The following PKD1L1 variants were observed in gnomAD, a reference collection of about 807,000 sequenced individuals.
The protein encoded by PKD1L1 is polycystin 1 like 1, transient receptor potential channel interacting, also known as polycystin-1-like protein 1.
A neutral mutation model predicts 323.4 loss-of-function variants in PKD1L1; 236 were observed. The ratio of observed to expected loss-of-function variants is 0.73; its 90% CI spans 0.66 to 0.81. PKD1L1 has a LOEUF of 0.81. Ranked by LOEUF, PKD1L1 falls within the 40% of genes least tolerant of loss-of-function variation. The pLI, the probability that PKD1L1 is intolerant of heterozygous loss-of-function variation, is 0.00. For synonymous variants in PKD1L1, 1,344 were observed against 1,335.0 expected (o/e 1.01, Z -0.15); for missense variants, 3,320 against 3,508.0 (o/e 0.95, Z 1.35).
At position 47,821,097 on chromosome 7, in the gene PKD1L1, G is replaced by T. The variant is rs1785130890; in HGVS notation, c.6944C>A (p.Ala2315Asp). ...CTACCTTGTAAATTCTTTCCGGATA[G>T]CTTGATTGAGGGAGTATTCATCTTG... is the stretch of plus-strand genomic sequence containing the variant. Reference protein sequence around the residue: ...FSQDEYSLNQAIRKEFTRNAR... With the variant: ...FSQDEYSLNQDIRKEFTRNAR... Residue 2315 changes from alanine (A) to aspartate (D), a missense_variant, in exon 46 of 57, where the codon GCT (alanine) becomes GAT (aspartate). Transcript: ENST00000289672. 1.3e-6 allele frequency: 2 copies of T among 1,597,182 alleles called. No individual in the cohort carries two copies. Among genetic ancestry groups the T allele is most frequent in the Non-Finnish European group, 1.7e-6 (2 of 1,164,690 alleles).
chr7:47,932,817 A>C (rs899519829), intron 4 of PKD1L1, among the ~76,000 whole-genome samples: 1 of 152,344 alleles, frequency 6.6e-6, no homozygotes, highest in Middle Eastern at 3.4e-3. Flanking sequence ...ATAATCATGC[A>C]TGAGAAAAAT....
chr7:47,787,628 T>C (rs1407102243), intron 56 of PKD1L1, among the ~76,000 whole-genome samples: 1 of 152,220 alleles, frequency 6.6e-6, no homozygotes, highest in Non-Finnish European at 1.5e-5. Flanking sequence ...GCTAGTTATA[T>C]GAGCTATAAA....
rs763147091 is a variant in PKD1L1, at chr7:47,876,106, T to C, written c.3775A>G (p.Asn1259Asp). 3 of 1,614,028 alleles carry C rather than the reference T, an allele frequency of 1.9e-6. No individual in the cohort carries two copies. ...FVLPAGEHLD[N>D]YKVMVSTEIT... ...TGGCACCATAGCTTACCTTTGTAAT[T>C]GTCCAAGTGCTCACCAGCTGGCAAC... Residue 1259 changes from asparagine to aspartate, a missense_variant, in exon 23 of 57, where the codon AAT (asparagine) becomes GAT (aspartate). Transcript: ENST00000289672.
intron 7 of PKD1L1, among the ~76,000 whole-genome samples, chr7:47,924,597 A>G (rs573341780): frequency 6.4e-4 from 97 of 152,332 alleles, no homozygotes; most frequent in Middle Eastern, 3.4e-3. Context: ...CCTAACCCCT[A>G]TCATAATTTT....
chr7:47,822,128 C>T (rs1173318609), intron 45 of PKD1L1, among the ~76,000 whole-genome samples: 1 of 152,068 alleles, frequency 6.6e-6, no homozygotes, highest in African/African-American at 2.4e-5. Context: ...TCTATCTGTC[C>T]CCAAATATCA....
chr7:47,810,976 T>C (rs1208677898), intron 50 of PKD1L1, among the ~76,000 whole-genome samples: 1 of 152,074 alleles, frequency 6.6e-6, no homozygotes, highest in Non-Finnish European at 1.5e-5. Context: ...ACAAAGAGAC[T>C]CTAGACAGCT....
Position 47,866,467 on chromosome 7 carries a change from T to G in PKD1L1, c.4044A>C (p.Ile1348=), listed in dbSNP as rs1786171464. ...KTASCNQWSR[I]QDALISSVCR... ...ATACTGAAGAAATTAATGCATCCTG[T>G]ATTCGTGACCATTGGTTGCAGGAGG... Residue 1348 remains isoleucine, a synonymous_variant, in exon 25 of 57, where the codon ATA becomes ATC. Coordinates refer to ENST00000289672, the MANE Select transcript of PKD1L1 (RefSeq NM_138295.5). The G allele has an allele frequency of 6.2e-7, 1 of 1,613,944 alleles. No homozygotes were observed. The highest frequency in any genetic ancestry group is 8.5e-7 in the Non-Finnish European group (1 of 1,179,950).
At position 47,880,820 on chromosome 7, in the gene PKD1L1, T is replaced by G. The variant is rs368779998; in HGVS notation, c.3443-15A>C. 1.1e-5 allele frequency: 17 copies of G among 1,587,988 alleles called. No homozygotes were observed. Among genetic ancestry groups the G allele is most frequent in the Admixed American group, 3.4e-5 (2 of 58,260 alleles). On this transcript the variant is annotated splice_polypyrimidine_tract_variant and intron_variant, in intron 20 of 56. Coordinates refer to ENST00000289672, the MANE Select transcript of PKD1L1 (RefSeq NM_138295.5). ...TTCTGTAATACCTGCAGAAAAGACA[T>G]GGCTGCATGGAAATGACAGTCAGTG...
chr7:47,842,921 C>CT (rs1169481821), intron 34 of PKD1L1, 41 bp downstream of exon 34: 1 of 1,566,098 alleles, frequency 6.4e-7, no homozygotes, highest in Admixed American at 1.8e-5. Flanking sequence ...GTTGACACTG[C>CT]TTAGACACCA....
At chr7:47,827,312 G>T in intron 45 of PKD1L1, 38 bp downstream of exon 45, 1 of 1,526,564 alleles carries the variant, frequency 6.6e-7, no homozygotes, top group Non-Finnish European at 8.9e-7. Context: ...AAGGGAGCTG[G>T]AGTGGAGCAA....
chr7:47,887,764 T>A (rs1786715298), intron 17 of PKD1L1, among the ~76,000 whole-genome samples: 1 of 152,182 alleles, frequency 6.6e-6, no homozygotes, highest in South Asian at 2.1e-4. Context: ...CATATCACAC[T>A]GAGGTCAGAA....
chr7:47,877,347 T>G (rs1238356867), intron 22 of PKD1L1, 142 bp downstream of exon 22: 1 of 1,238,924 alleles, frequency 8.1e-7, no homozygotes. Flanking sequence ...CCTAACCAAC[T>G]TTCCAACATT....
At chr7:47,804,208 C>T (rs1784725877) in intron 52 of PKD1L1, among the ~76,000 whole-genome samples, 1 of 152,198 alleles carries the variant, frequency 6.6e-6, no homozygotes, top group Admixed American at 6.5e-5. Context: ...GCTGTCACCC[C>T]TCGGGTTCCC....
At chr7:47,884,135 A>T (rs1786625675) in intron 19 of PKD1L1, among the ~76,000 whole-genome samples, 1 of 151,174 alleles carries the variant, frequency 6.6e-6, no homozygotes, top group Non-Finnish European at 1.5e-5. Context: ...CAGAGGAGGG[A>T]ATAAATACTG....
At chr7:47,875,710 C>T (rs114272845) in intron 23 of PKD1L1, among the ~76,000 whole-genome samples, 2,087 of 152,140 alleles carry the variant, frequency 0.014, 45 homozygotes, top group African/African-American at 0.048. Context: ...ATTCATTTAC[C>T]CCACATTTTG....
rs1234054529 is a variant in PKD1L1 at position 47,946,609 on chromosome 7, C to A, written c.44+1788G>T. Among the ~76,000 whole-genome samples the A allele has an allele frequency of 6.6e-6, 1 of 151,324 alleles. No individual in the cohort carries two copies. Among genetic ancestry groups the A allele is most frequent in the East Asian group, 1.9e-4 (1 of 5,152 alleles). The stretch of plus-strand genomic sequence containing the variant: ...CATACCCCACTCATACCATACCACA[C>A]ATACACCACACACTACACACAGACC... On this transcript the variant is annotated intron_variant, in intron 1 of 56. Coordinates refer to ENST00000289672, the MANE Select transcript of PKD1L1 (RefSeq NM_138295.5). This position sits in a 1 kb window ranked among gnomAD's most constrained non-coding sequence, Gnocchi z 4.1.
At chr7:47,957,902 G>GA in the PKD1L1 span, among the ~76,000 whole-genome samples, 1 of 121,836 alleles carries the variant, frequency 8.2e-6, no homozygotes, top group African/African-American at 2.8e-5. Flanking sequence ...TAACCATGGT[G>GA]AAAAATCTCT....
At chr7:47,915,659 A>G (rs988377493) in intron 7 of PKD1L1, 60 bp from the exon 8 acceptor site, 3 of 1,090,014 alleles carry the variant, frequency 2.8e-6, no homozygotes, top group East Asian at 2.6e-5. Flanking sequence ...CTAGGGGAAA[A>G]TGTGGAATAA....
intron 22 of PKD1L1, 42 bp downstream of exon 22, chr7:47,877,447 T>G (rs1308437305): frequency 1.1e-5 from 17 of 1,606,282 alleles, no homozygotes; most frequent in Non-Finnish European, 1.4e-5. Flanking sequence ...CAGATGCCAC[T>G]GTCGGGGGTC....
Sources: gnomAD v4.1 joint callset for allele counts (sites outside exome capture counted in the v4.1 genomes callset) on GRCh38, gnomAD v4.1.1 for gene constraint, Gnocchi (gnomAD v3.1) non-coding constraint, MANE v1.5 for transcripts, NCBI Gene and HGNC (gene_info 2026-07-23, HGNC 2026-07-21) for gene names.